Variants in KIRREL3 observed in about 807,000 individuals in gnomAD.
The protein encoded by KIRREL3 is kin of IRRE-like protein 3.
A neutral mutation model predicts 89.7 loss-of-function variants in KIRREL3; 36 were observed. The observed-to-expected ratio is 0.40, with a 90% CI of 0.31 to 0.53. The LOEUF is 0.53. KIRREL3 is among the 20% of genes least tolerant of loss of function. The probability of loss-of-function intolerance (pLI) is 0.49; values close to 1 mark genes in which losing one functional copy is unlikely to be tolerated. For synonymous variants in KIRREL3, 445 were observed against 441.4 expected (o/e 1.01, Z -0.10); for missense variants, 864 against 1,056.6 (o/e 0.82, Z 2.53).
chr11:126,534,540 G>A (rs1415859100), intron 2 of KIRREL3, among the ~76,000 whole-genome samples: 1 of 152,224 alleles, frequency 6.6e-6, no homozygotes, highest in Non-Finnish European at 1.5e-5. Context: ...CTGAGACAAA[G>A]CCCTTTGTCT....
chr11:126,471,272 A>G lies in KIRREL3; in HGVS notation c.591+2037T>C, dbSNP rs1956883371. ...GCAATCCCAGCTATTCTGGAGGCTG[A>G]GGCAGGAGAATCACTTGAGCCCAGG... is the stretch of plus-strand genomic sequence containing the variant. On this transcript the variant is annotated intron_variant, in intron 5 of 16. Coordinates refer to ENST00000525144, the MANE Select transcript of KIRREL3 (RefSeq NM_032531.4). The surrounding 1 kb of genome is among the most constrained non-coding windows in gnomAD (Gnocchi z 5.4). 1.3e-5 allele frequency among the ~76,000 whole-genome samples: 2 copies of G among 152,174 alleles called. No individual in the cohort carries two copies. Among genetic ancestry groups the G allele is most frequent in the African/African-American group, 4.8e-5 (2 of 41,430 alleles).
At chr11:126,735,697 T>G (rs1157845514) in intron 1 of KIRREL3, among the ~76,000 whole-genome samples, 1 of 152,244 alleles carries the variant, frequency 6.6e-6, no homozygotes, top group Non-Finnish European at 1.5e-5. Context: ...TCCTTGTCTC[T>G]TTCTGTAGGA....
chr11:126,851,150 C>T (rs1053098370), intron 1 of KIRREL3, among the ~76,000 whole-genome samples: 13 of 152,152 alleles, frequency 8.5e-5, no homozygotes, highest in African/African-American at 3.1e-4. Flanking sequence ...TGCCAATGTC[C>T]AATTACACTT....
chr11:126,494,923 C>T (rs538045525), intron 4 of KIRREL3, among the ~76,000 whole-genome samples: 161 of 152,328 alleles, frequency 1.1e-3, no homozygotes, highest in Middle Eastern at 3.4e-3. Context: ...ACAAGGGCCC[C>T]GGGCCTGAGG....
intron 1 of KIRREL3, among the ~76,000 whole-genome samples, chr11:126,878,510 T>C (rs1247718120): frequency 6.6e-6 from 1 of 152,148 alleles, no homozygotes; most frequent in African/African-American, 2.4e-5. Flanking sequence ...ACATGAAAAG[T>C]GCATTTTAAC....
At chr11:126,871,148 C>T (rs1718639858) in intron 1 of KIRREL3, among the ~76,000 whole-genome samples, 1 of 152,218 alleles carries the variant, frequency 6.6e-6, no homozygotes, top group Non-Finnish European at 1.5e-5. Flanking sequence ...TACTGCCACT[C>T]AAAGCATGCC....
chr11:126,600,940 T>A (rs1942626285), intron 1 of KIRREL3, among the ~76,000 whole-genome samples: 1 of 152,186 alleles, frequency 6.6e-6, no homozygotes, highest in Admixed American at 6.5e-5. Context: ...TTTAGTTATT[T>A]GCATATTCCC....
In KIRREL3 at chr11:126,587,208, AAACCCGAAGGAC is replaced by A. The variant is rs1301782987; in HGVS notation, c.56-24308_56-24297del. On this transcript the variant is annotated intron_variant, in intron 1 of 16. Transcript: ENST00000525144. This position sits in a 1 kb window ranked among gnomAD's most constrained non-coding sequence, Gnocchi z 5.2. ...CACTGGGGACATGACATCCAAGCTG[AAACCCGAAGGAC>A]AAATAGGGGACAGGGAGATGAAGAC... Among the ~76,000 whole-genome samples the A allele has an allele frequency of 2.0e-5, 3 of 152,166 alleles. No individual in the cohort carries two copies. The highest frequency in any genetic ancestry group is 4.4e-5 in the Non-Finnish European group (3 of 68,034).
At chr11:126,821,342 T>C (rs1347659489) in intron 1 of KIRREL3, among the ~76,000 whole-genome samples, 1 of 68,444 alleles carries the variant, frequency 1.5e-5, no homozygotes, top group Non-Finnish European at 3.6e-5. Flanking sequence ...TATATATATA[T>C]ATATATATAT....
Position 126,537,193 on chromosome 11 carries a change from C to T in KIRREL3, c.134-10506G>A, listed in dbSNP as rs1937965854. Among the ~76,000 whole-genome samples the T allele has an allele frequency of 6.6e-6, 1 of 152,148 alleles. No homozygotes were observed. Among genetic ancestry groups the T allele is most frequent in the African/African-American group, 2.4e-5 (1 of 41,420 alleles). On this transcript the variant is annotated intron_variant, in intron 2 of 16. Transcript: ENST00000525144. This position sits in a 1 kb window ranked among gnomAD's most constrained non-coding sequence, Gnocchi z 4.3. ...GTCCTTGCTTCTAAGGAGCCTGGTG[C>T]TGACACATGCACACACCCGCCTGCA...
rs769279340 is a variant in KIRREL3 at position 126,985,224 on chromosome 11, C to A, written c.55+15231G>T. Among the ~76,000 whole-genome samples the A allele has an allele frequency of 6.6e-6, 1 of 152,076 alleles. No individual in the cohort carries two copies. The highest frequency in any genetic ancestry group is 1.5e-5 in the Non-Finnish European group (1 of 68,028). On this transcript the variant is annotated intron_variant, in intron 1 of 16. Coordinates refer to ENST00000525144, the MANE Select transcript of KIRREL3 (RefSeq NM_032531.4). The surrounding 1 kb of genome is among the most constrained non-coding windows in gnomAD (Gnocchi z 5.3). ...GGGTTTGCAAGTGAAATGCTGGGCA[C>A]GGAAAGGTAGGAGTTGTCCAGAATC...
In KIRREL3 at chr11:126,639,193, C is replaced by G. The variant is rs1365514346; in HGVS notation, c.56-76281G>C. On this transcript the variant is annotated intron_variant, in intron 1 of 16. Transcript: ENST00000525144. This position sits in a 1 kb window ranked among gnomAD's most constrained non-coding sequence, Gnocchi z 4.3. Reference sequence around the variant, plus strand: ...GGAAACTTAAGCTCTGGAGGGCCACCTGTCAGATGAGATTTGCCTTCAAAG... The same window carrying G: ...GGAAACTTAAGCTCTGGAGGGCCACGTGTCAGATGAGATTTGCCTTCAAAG... 6.6e-6 allele frequency among the ~76,000 whole-genome samples: 1 copy of G among 152,180 alleles called. No individual in the cohort carries two copies. Among genetic ancestry groups the G allele is most frequent in the African/African-American group, 2.4e-5 (1 of 41,438 alleles).
At position 126,703,182 on chromosome 11, in the gene KIRREL3, G is replaced by A. The variant is rs1947380561; in HGVS notation, c.56-140270C>T. The stretch of plus-strand genomic sequence containing the variant: ...GTAGGCCTGGATTCCTTCCAGCCGT[G>A]CTGCTTCCTGCCATTTACTCCATCT... On this transcript the variant is annotated intron_variant, in intron 1 of 16. Transcript: ENST00000525144. This position sits in a 1 kb window ranked among gnomAD's most constrained non-coding sequence, Gnocchi z 4.6. Among the ~76,000 whole-genome samples, 2 of 152,224 alleles carry A rather than the reference G, an allele frequency of 1.3e-5. No individual in the cohort carries two copies. Among genetic ancestry groups the A allele is most frequent in the Admixed American group, 6.5e-5 (1 of 15,288 alleles).
In KIRREL3 at chr11:126,500,127, T is replaced by G. The variant is rs576069133; in HGVS notation, c.433+21188A>C. 2.6e-5 allele frequency among the ~76,000 whole-genome samples: 4 copies of G among 152,310 alleles called. No individual in the cohort carries two copies. In the South Asian group the frequency reaches 8.3e-4, roughly 32 times the overall value. ...CTCTAGTTCCCCAGGTCCAGATCCT[T>G]GAACCTGTCTTTATTATTAGATGCT... On this transcript the variant is annotated intron_variant, in intron 4 of 16. Transcript: ENST00000525144.
intron 1 of KIRREL3, among the ~76,000 whole-genome samples, chr11:126,835,560 G>C (rs11220633): frequency 6.6e-6 from 1 of 152,060 alleles, no homozygotes; most frequent in East Asian, 1.9e-4. Flanking sequence ...ATTGGAGGCA[G>C]AATGAGAATT....
rs1348173264 is a variant in KIRREL3 at position 126,990,662 on chromosome 11, G to T, written c.55+9793C>A. On this transcript the variant is annotated intron_variant, in intron 1 of 16. Coordinates refer to ENST00000525144, the MANE Select transcript of KIRREL3 (RefSeq NM_032531.4). This position sits in a 1 kb window ranked among gnomAD's most constrained non-coding sequence, Gnocchi z 6.3. ...AGAACAGCTCCTCTCTGCCTCCGCA[G>T]TTGCCCCTCACTCAGGTGCAGCTTC... Among the ~76,000 whole-genome samples the T allele has an allele frequency of 6.6e-6, 1 of 152,230 alleles. No individual in the cohort carries two copies. Among genetic ancestry groups the T allele is most frequent in the Non-Finnish European group, 1.5e-5 (1 of 68,040 alleles).
chr11:126,425,768 A>G (rs1041503379), intron 15 of KIRREL3, 44 bp from the exon 16 acceptor site: 5 of 1,456,794 alleles, frequency 3.4e-6, no homozygotes, highest in Admixed American at 1.9e-5. Context: ...AGGTGGCTAA[A>G]CCTCCACTTC....
At chr11:126,951,291 C>T (rs1948766484) in intron 1 of KIRREL3, among the ~76,000 whole-genome samples, 1 of 152,212 alleles carries the variant, frequency 6.6e-6, no homozygotes, top group African/African-American at 2.4e-5. Flanking sequence ...TAGGCGAGTA[C>T]ATCCGTTGAG....
In KIRREL3 at chr11:126,705,317, G is replaced by A. The variant is rs966835544; in HGVS notation, c.56-142405C>T. 1.3e-5 allele frequency among the ~76,000 whole-genome samples: 2 copies of A among 152,250 alleles called. No individual in the cohort carries two copies. Among genetic ancestry groups the A allele is most frequent in the South Asian group, 4.1e-4 (2 of 4,822 alleles). ...GGTGGGGCCTGGTGGGAGGTGATTG[G>A]GTCATGAGGTCGGATTCCTCAGGAA... is the stretch of plus-strand genomic sequence containing the variant. On this transcript the variant is annotated intron_variant, in intron 1 of 16. Coordinates refer to ENST00000525144, the MANE Select transcript of KIRREL3 (RefSeq NM_032531.4). The surrounding 1 kb of genome is among the most constrained non-coding windows in gnomAD (Gnocchi z 4.3).
Sources: allele counts gnomAD v4.1 joint callset (sites outside exome capture counted in the v4.1 genomes callset), GRCh38; gene constraint gnomAD v4.1.1; non-coding constraint Gnocchi (gnomAD v3.1); transcripts MANE v1.5; gene names NCBI Gene and HGNC (gene_info 2026-07-23, HGNC 2026-07-21).